B3GALNT2: variants seen among roughly 807,000 people sequenced by gnomAD.
B3GALNT2 encodes UDP-GalNAc:beta-1,3-N-acetylgalactosaminyltransferase 2.
Under a neutral mutation model 61.1 loss-of-function variants are expected in B3GALNT2, and 53 were observed. The ratio of observed to expected loss-of-function variants is 0.87; its 90% CI spans 0.70 to 1.09. The LOEUF (loss-of-function observed/expected upper bound fraction) is 1.09. Among genes scored for constraint, B3GALNT2 ranks in the 50% least tolerant of loss-of-function variants. The probability of loss-of-function intolerance (pLI) is 0.00; values close to 1 mark genes in which losing one functional copy is unlikely to be tolerated. For synonymous variants in B3GALNT2, 223 were observed against 237.4 expected (o/e 0.94, Z 0.56); for missense variants, 544 against 623.0 (o/e 0.87, Z 1.35).
intron 3 of B3GALNT2, 24 bp from the exon 4 acceptor site, chr1:235,484,539 A>T: frequency 6.2e-7 from 1 of 1,604,962 alleles, no homozygotes; most frequent in Non-Finnish European, 8.5e-7. Flanking sequence ...ACAGGTTTAT[A>T]TAACTGAACA....
chr1:235,480,782 T>A (rs1684522725), intron 4 of B3GALNT2, among the ~76,000 whole-genome samples: 1 of 151,554 alleles, frequency 6.6e-6, no homozygotes, highest in Non-Finnish European at 1.5e-5. Context: ...GGCAGGCACC[T>A]GTAGTCCCAG....
intron 7 of B3GALNT2, chr1:235,463,604 T>G (rs928824072): frequency 5.4e-5 from 8 of 146,928 alleles, no homozygotes; most frequent in Non-Finnish European, 1.0e-4. Flanking sequence ...GGAGTCTTGC[T>G]GTCACCCAGG....
rs181729578 is a variant in B3GALNT2, at chr1:235,470,943, G to A, written c.669C>T (p.Ile223=). ...CGTGGAGGTCTTGGCTCTCCCACAC[G>A]ATTGTACCTTCAAAGCTCTTTTGTA... The part of the protein sequence containing the change: ...FILPESFEGT[I]VWESQDLHGL... Residue 223 remains isoleucine (I), a synonymous_variant, in exon 6 of 12, where the codon ATC becomes ATT. Coordinates refer to ENST00000366600, the MANE Select transcript of B3GALNT2 (RefSeq NM_152490.5). 27 of 1,613,748 alleles carry A rather than the reference G, an allele frequency of 1.7e-5. No homozygotes were observed. The highest frequency in any genetic ancestry group is 1.4e-4 in the South Asian group (13 of 91,046).
At chr1:235,458,507 TA>T in intron 8 of B3GALNT2, 95 bp downstream of exon 8, 1 of 1,440,464 alleles carries the variant, frequency 6.9e-7, no homozygotes, top group South Asian at 1.6e-5. Flanking sequence ...AAACCCCTAG[TA>T]AGGGGTTTCC....
intron 1 of B3GALNT2, among the ~76,000 whole-genome samples, chr1:235,501,506 A>T (rs1021908356): frequency 8.5e-5 from 13 of 152,208 alleles, no homozygotes; most frequent in African/African-American, 2.9e-4. Context: ...TGATATTTAT[A>T]ATTATTTCCT....
intron 7 of B3GALNT2, among the ~76,000 whole-genome samples, chr1:235,459,197 A>G (rs1385761424): frequency 6.6e-6 from 1 of 152,174 alleles, no homozygotes; most frequent in African/African-American, 2.4e-5. Flanking sequence ...GAAATATAGC[A>G]GTTAAAAAAA....
At position 235,467,430 on chromosome 1, in the gene B3GALNT2, C is replaced by T. The variant is rs142431827; in HGVS notation, c.763-1716G>A. ...TAAAGGGGCAGGCTATAGATTCCAA[C>T]GTTGTAGTTCCATAAAAGACTGTAT... On this transcript the variant is annotated intron_variant, in intron 6 of 11. Coordinates refer to ENST00000366600, the MANE Select transcript of B3GALNT2 (RefSeq NM_152490.5). 7.5e-3 allele frequency among the ~76,000 whole-genome samples: 1,132 copies of T among 151,084 alleles called. 6 individuals carry two copies. Among genetic ancestry groups the T allele is most frequent in the Non-Finnish European group, 0.013 (855 of 67,864 alleles).
At chr1:235,442,303 T>A (rs747195414), downstream of B3GALNT2, among the ~76,000 whole-genome samples, 4 of 152,186 alleles carry the variant, frequency 2.6e-5, no homozygotes, top group Non-Finnish European at 5.9e-5. Context: ...CCCGAGTAGC[T>A]GGGATTACAG....
At position 235,449,272 on chromosome 1, in the gene B3GALNT2, T is replaced by TAATC. The variant is rs1357375889; in HGVS notation, c.*930_*933dup. The stretch of plus-strand genomic sequence containing the variant: ...GCACTATTTCTAAGAGTACTTAAAT[T>TAATC]AATCACATGCTTTTCCCTACAATTA... On this transcript the variant is annotated 3_prime_UTR_variant, in exon 12 of 12. Transcript: ENST00000366600. The TAATC allele has an allele frequency of 6.0e-6, 1 of 166,986 alleles. No individual in the cohort carries two copies. The highest frequency in any genetic ancestry group is 1.3e-5 in the Non-Finnish European group (1 of 76,650). 10.3% of individuals were successfully genotyped at this position (166,986 alleles called of 1,614,324 possible).
In B3GALNT2 at chr1:235,455,653, G is replaced by A. The variant is rs1553342995; in HGVS notation, c.1057C>T (p.Leu353=). ...ATGTAACAGTCATCATCTGTCTTCA[G>A]CAACAAATTGAAGCTCGTTGTTTCC... ...TVETTSFNLL[L]KTDDDCYIDL... is the part of the protein sequence containing the mutation. Residue 353 remains leucine (L), a synonymous_variant, in exon 9 of 12, where the codon CTG becomes TTG. Transcript: ENST00000366600. 1.2e-6 allele frequency: 2 copies of A among 1,606,782 alleles called. No individual in the cohort carries two copies. The highest frequency in any genetic ancestry group is 1.3e-5 in the African/African-American group (1 of 74,704).
At chr1:235,475,618 G>C (rs1034308722) in intron 5 of B3GALNT2, among the ~76,000 whole-genome samples, 3 of 152,044 alleles carry the variant, frequency 2.0e-5, no homozygotes, top group Non-Finnish European at 2.9e-5. Flanking sequence ...GTAAAAAAAA[G>C]GATTTAAAAT....
chr1:235,451,248 A>T (rs545942965), intron 11 of B3GALNT2: 1 of 152,194 alleles, frequency 6.6e-6, no homozygotes, highest in African/African-American at 2.4e-5. Flanking sequence ...TGGGATGGAA[A>T]GGAGTCTCTC....
In B3GALNT2 at chr1:235,470,944, A is replaced by AT; in HGVS notation, c.667dup (p.Ile223AsnfsTer23). 6.2e-7 allele frequency: 1 copy of AT among 1,613,874 alleles called. No individual in the cohort carries two copies. Among genetic ancestry groups the AT allele is most frequent in the South Asian group, 1.1e-5 (1 of 91,066 alleles). ...GTGGAGGTCTTGGCTCTCCCACACG[A>AT]TTGTACCTTCAAAGCTCTTTTGTAG... On this transcript the variant is annotated frameshift_variant, in exon 6 of 12. Coordinates refer to ENST00000366600, the MANE Select transcript of B3GALNT2 (RefSeq NM_152490.5). LOFTEE classifies it high-confidence loss of function.
At chr1:235,474,237 T>C (rs1684132980) in intron 5 of B3GALNT2, among the ~76,000 whole-genome samples, 1 of 152,200 alleles carries the variant, frequency 6.6e-6, no homozygotes, top group African/African-American at 2.4e-5. Flanking sequence ...CCAAAACAAC[T>C]TGTTTATGGC....
chr1:235,454,082 AC>A (rs1430344859), intron 10 of B3GALNT2, 73 bp downstream of exon 10: 18 of 1,385,990 alleles, frequency 1.3e-5, no homozygotes, highest in African/African-American at 2.9e-5. Context: ...CAAGTGATCT[AC>A]CCGCCTTAGC....
At chr1:235,488,677 G>A (rs1476076359) in intron 3 of B3GALNT2, among the ~76,000 whole-genome samples, 2 of 99,858 alleles carry the variant, frequency 2.0e-5, no homozygotes, top group Non-Finnish European at 3.5e-5. Context: ...GGACAACAGA[G>A]CAAGACTCCA....
At position 235,504,274 on chromosome 1, in the gene B3GALNT2, G is replaced by T. The variant is rs1471204165; in HGVS notation, c.-22C>A. 2 of 1,484,666 alleles carry T rather than the reference G, an allele frequency of 1.3e-6. No individual in the cohort carries two copies. Among genetic ancestry groups the T allele is most frequent in the Admixed American group, 2.2e-5 (1 of 46,014 alleles). The allele number at this position is 1,484,666 out of a possible 1,614,324, so 92.0% of individuals were successfully genotyped here. On this transcript the variant is annotated 5_prime_UTR_variant, in exon 1 of 12. Transcript: ENST00000366600. Reference sequence around the variant, plus strand: ...GCATTGGCCGCCCCCGCCGCGAGCCGGGCTCTCCCGCGTCCCGGCGGAGAG... The same window carrying T: ...GCATTGGCCGCCCCCGCCGCGAGCCTGGCTCTCCCGCGTCCCGGCGGAGAG...
At chr1:235,446,179 C>T (rs1275485135), downstream of B3GALNT2, among the ~76,000 whole-genome samples, 3 of 148,358 alleles carry the variant, frequency 2.0e-5, no homozygotes, top group Non-Finnish European at 4.5e-5. Flanking sequence ...AAAACCTATA[C>T]ATCCTTTTTT....
intron 7 of B3GALNT2, among the ~76,000 whole-genome samples, chr1:235,461,010 C>G (rs1437290377): frequency 6.6e-6 from 1 of 152,196 alleles, no homozygotes; most frequent in African/African-American, 2.4e-5. Flanking sequence ...TGATTTAAGG[C>G]AATTCTTTCG....
Sources: allele counts gnomAD v4.1 joint callset (sites outside exome capture counted in the v4.1 genomes callset), GRCh38; gene constraint gnomAD v4.1.1; transcripts MANE v1.5; gene names NCBI Gene and HGNC (gene_info 2026-07-23, HGNC 2026-07-21).